Variants in ADAMTS17 observed in about 807,000 individuals in gnomAD.
ADAMTS17 encodes ADAM metallopeptidase with thrombospondin type 1 motif 17, also known as A disintegrin and metalloproteinase with thrombospondin motifs 17.
ADAMTS17 carries 113 observed loss-of-function variants against 141.5 expected under a neutral mutation model. The observed-to-expected ratio is 0.80, with a 90% CI of 0.69 to 0.93. ADAMTS17 has a LOEUF of 0.93. Among genes scored for constraint, ADAMTS17 ranks in the 40% least tolerant of loss-of-function variants. The pLI is 0.00. For missense variants in ADAMTS17, 1,659 were observed against 1,517.9 expected, an observed-to-expected ratio of 1.09 and a Z score of -1.54; for synonymous variants, 768 against 630.6, an observed-to-expected ratio of 1.22 and a Z score of -3.27.
At chr15:100,277,070 C>T (rs1001759873) in intron 4 of ADAMTS17, among the ~76,000 whole-genome samples, 2 of 152,104 alleles carry the variant, frequency 1.3e-5, no homozygotes, top group African/African-American at 4.8e-5. Flanking sequence ...CGCCTTCTGG[C>T]TTGGATCAAA....
chr15:99,995,053 C>T (rs112686633), intron 19 of ADAMTS17, among the ~76,000 whole-genome samples: 195 of 152,260 alleles, frequency 1.3e-3, no homozygotes, highest in African/African-American at 4.5e-3. Flanking sequence ...GCCAGGGGTC[C>T]GTCCATGGTG....
Position 100,262,385 on chromosome 15 carries a change from T to C in ADAMTS17, c.840A>G (p.Gln280=), listed in dbSNP as rs766374050. Residue 280 remains glutamine, a synonymous_variant, in exon 5 of 22, where the codon CAA becomes CAG. Coordinates refer to ENST00000268070, the MANE Select transcript of ADAMTS17 (RefSeq NM_139057.4). The stretch of plus-strand genomic sequence containing the variant: ...GTCGTAGCAGGACAAGCTTGGTCAC[T>C]TGAATGTTAATTTTAATCCCCAGGC... ...HQSLGIKINI[Q]VTKLVLLRQR... is the part of the protein sequence containing the mutation. The C allele has an allele frequency of 6.2e-6, 10 of 1,613,902 alleles. No homozygotes were observed. The highest frequency in any genetic ancestry group is 3.3e-5 in the Admixed American group (2 of 59,984).
chr15:100,134,405 C>T (rs928222945), intron 10 of ADAMTS17, among the ~76,000 whole-genome samples: 8 of 152,196 alleles, frequency 5.3e-5, no homozygotes, highest in East Asian at 3.8e-4. Flanking sequence ...TGTGAAGACG[C>T]AGTGATTCCA....
At chr15:100,290,395 A>C (rs1395237510) in intron 3 of ADAMTS17, among the ~76,000 whole-genome samples, 2 of 152,230 alleles carry the variant, frequency 1.3e-5, no homozygotes, top group African/African-American at 2.4e-5. Flanking sequence ...ATGGTCTTGG[A>C]TAGGAAGAAA....
chr15:100,243,199 T>C (rs996409228), intron 7 of ADAMTS17, among the ~76,000 whole-genome samples: 1 of 152,238 alleles, frequency 6.6e-6, no homozygotes, highest in East Asian at 1.9e-4. Context: ...ACTGTGTGGA[T>C]AGACCACATT....
chr15:100,029,257 T>C (rs1221074201), intron 18 of ADAMTS17, among the ~76,000 whole-genome samples: 1 of 152,222 alleles, frequency 6.6e-6, no homozygotes, highest in Non-Finnish European at 1.5e-5. Flanking sequence ...CAAAACTACC[T>C]CTACTCTGAC....
At chr15:100,111,107 A>C (rs8039563) in intron 13 of ADAMTS17, among the ~76,000 whole-genome samples, 105,482 of 152,022 alleles carry the variant, frequency 0.69, 37,525 homozygotes, top group African/African-American at 0.87. Flanking sequence ...CCTCCCAGGT[A>C]AGGGGAGTAA....
Position 100,155,300 on chromosome 15 carries a change from T to C in ADAMTS17, c.1202A>G (p.Asp401Gly). The change falls in exon 9 of 22, where the codon GAT (aspartate) becomes GGT (glycine). Residue 401 changes from aspartate to glycine, a missense_variant. Transcript: ENST00000268070. ...CCTGCCAGCGCAAGATGAGTGGTCA[T>C]CGTCGTGGTTCATGCCCAAGCTGTC... is the stretch of plus-strand genomic sequence containing the variant. ...LGHNLGMNHDDDHSSCAGRSH... is the reference protein window; with the variant it reads ...LGHNLGMNHDGDHSSCAGRSH... The C allele has an allele frequency of 6.2e-7, 1 of 1,614,010 alleles. No homozygotes were observed. Among genetic ancestry groups the C allele is most frequent in the Non-Finnish European group, 8.5e-7 (1 of 1,179,958 alleles).
chr15:100,016,996 G>T (rs1390522416), intron 18 of ADAMTS17, among the ~76,000 whole-genome samples: 1 of 152,134 alleles, frequency 6.6e-6, no homozygotes, highest in Non-Finnish European at 1.5e-5. Flanking sequence ...TGTGGGCAGG[G>T]GTGGACGCGT....
intron 14 of ADAMTS17, among the ~76,000 whole-genome samples, chr15:100,105,014 C>T (rs1387326129): frequency 2.0e-5 from 3 of 152,222 alleles, no homozygotes; most frequent in Non-Finnish European, 4.4e-5. Context: ...TTAACCTTTA[C>T]AGTATCTGTC....
chr15:100,110,489 C>A (rs185218800), intron 13 of ADAMTS17, among the ~76,000 whole-genome samples: 1 of 151,902 alleles, frequency 6.6e-6, no homozygotes, highest in Non-Finnish European at 1.5e-5. Context: ...TGGTCTCGAT[C>A]TCCTGACCTC....
intron 7 of ADAMTS17, among the ~76,000 whole-genome samples, chr15:100,211,469 C>A (rs546465417): frequency 6.6e-6 from 1 of 152,114 alleles, no homozygotes; most frequent in African/African-American, 2.4e-5. Flanking sequence ...ATGCCAGACA[C>A]AGAAACAAAC....
intron 15 of ADAMTS17, among the ~76,000 whole-genome samples, chr15:100,074,547 A>G (rs1009199677): frequency 6.6e-6 from 1 of 152,044 alleles, no homozygotes; most frequent in Non-Finnish European, 1.5e-5. Flanking sequence ...ATTTTCTAAT[A>G]TAAAACCATC....
rs547352393 is a variant in ADAMTS17 at position 100,145,124 on chromosome 15, C to G, written c.1473+7488G>C. On this transcript the variant is annotated intron_variant, in intron 10 of 21. Coordinates refer to ENST00000268070, the MANE Select transcript of ADAMTS17 (RefSeq NM_139057.4). ...AGAAAATTTTAAGATAAAAGATAGA[C>G]AAACATACACACACATCCCCCAAAA... 5.3e-5 allele frequency among the ~76,000 whole-genome samples: 8 copies of G among 152,220 alleles called. 1 individual carries two copies. In the South Asian group the frequency reaches 1.7e-3, roughly 32 times the overall value.
chr15:100,166,553 G>A (rs902161055), intron 8 of ADAMTS17, among the ~76,000 whole-genome samples: 4 of 152,198 alleles, frequency 2.6e-5, no homozygotes, highest in African/African-American at 9.6e-5. Flanking sequence ...GGTTAAGGAA[G>A]GTTTCTTGTA....
chr15:100,016,320 C>T (rs990699954), intron 18 of ADAMTS17, among the ~76,000 whole-genome samples: 11 of 152,258 alleles, frequency 7.2e-5, no homozygotes, highest in South Asian at 2.1e-4. Flanking sequence ...CCTGGTGCCT[C>T]CTTTATTAGC....
At chr15:100,031,206 G>A (rs1164013008) in intron 18 of ADAMTS17, among the ~76,000 whole-genome samples, 1 of 152,142 alleles carries the variant, frequency 6.6e-6, no homozygotes. Context: ...AGCTGCCCCT[G>A]GGTGAAATGG....
intron 14 of ADAMTS17, among the ~76,000 whole-genome samples, chr15:100,108,232 C>T (rs532452288): frequency 2.6e-5 from 4 of 151,928 alleles, no homozygotes; most frequent in South Asian, 2.1e-4. Flanking sequence ...AAGGCAGTGG[C>T]GTGATCTCAG....
chr15:100,180,430 T>C (rs1198225758), intron 8 of ADAMTS17, among the ~76,000 whole-genome samples: 2 of 152,230 alleles, frequency 1.3e-5, no homozygotes, highest in African/African-American at 4.8e-5. Flanking sequence ...AGCTCTACAG[T>C]ATAATCTGAA....
Sources: gnomAD v4.1 joint callset for allele counts (sites outside exome capture counted in the v4.1 genomes callset) on GRCh38, gnomAD v4.1.1 for gene constraint, MANE v1.5 for transcripts, NCBI Gene and HGNC (gene_info 2026-07-23, HGNC 2026-07-21) for gene names.